The following SGCZ variants were observed in gnomAD, a reference collection of about 807,000 sequenced individuals.
SGCZ encodes sarcoglycan zeta, also known as zeta-sarcoglycan.
SGCZ carries 40 observed loss-of-function variants against 41.3 expected under a neutral mutation model. That is an observed-to-expected ratio of 0.97 (90% CI 0.75 to 1.26). SGCZ has a LOEUF of 1.26. Among genes scored for constraint, SGCZ ranks in the 50% most tolerant of loss-of-function variants. The pLI is 0.00. For synonymous variants in SGCZ, 206 were observed against 137.5 expected (o/e 1.50, Z -3.49); for missense variants, 552 against 369.8 (o/e 1.49, Z -4.04).
At chr8:14,686,073 A>C (rs920616) in intron 1 of SGCZ, among the ~76,000 whole-genome samples, 62,695 of 151,974 alleles carry the variant, frequency 0.41, 14,530 homozygotes, top group Non-Finnish European at 0.54. Flanking sequence ...CGTCTCGGGA[A>C]GACTTTGCTC....
At chr8:14,882,794 C>A (rs115354498) in intron 1 of SGCZ, among the ~76,000 whole-genome samples, 1,664 of 152,084 alleles carry the variant, frequency 0.011, 28 homozygotes, top group African/African-American at 0.038. Context: ...AGCTTTTTCC[C>A]TTTTCGCACC....
chr8:14,097,987 A>C (rs1801896277), intron 7 of SGCZ, among the ~76,000 whole-genome samples: 1 of 152,124 alleles, frequency 6.6e-6, no homozygotes, highest in African/African-American at 2.4e-5. Flanking sequence ...TTAAAGTGGT[A>C]TTTTATAGCC....
chr8:14,901,467 A>G, intron 1 of SGCZ, among the ~76,000 whole-genome samples: 1 of 152,202 alleles, frequency 6.6e-6, no homozygotes, highest in East Asian at 1.9e-4. Flanking sequence ...TTCCTTTCAC[A>G]GTACAGCACT....
intron 1 of SGCZ, among the ~76,000 whole-genome samples, chr8:15,134,623 T>C (rs1006458682): frequency 1.4e-4 from 22 of 152,292 alleles, no homozygotes; most frequent in African/African-American, 4.8e-4. Flanking sequence ...CCTTGCATAA[T>C]TGTGCAAGAT....
intron 2 of SGCZ, among the ~76,000 whole-genome samples, chr8:14,363,177 A>G (rs1803587753): frequency 6.6e-6 from 1 of 152,156 alleles, no homozygotes; most frequent in Non-Finnish European, 1.5e-5. Flanking sequence ...GAAAAAAGCA[A>G]TGTGACTTTT....
At chr8:14,163,005 G>A (rs1249742013) in intron 5 of SGCZ, among the ~76,000 whole-genome samples, 1 of 152,038 alleles carries the variant, frequency 6.6e-6, no homozygotes, top group Non-Finnish European at 1.5e-5. Flanking sequence ...TGAGTAGCTG[G>A]GACTATGGAC....
intron 2 of SGCZ, among the ~76,000 whole-genome samples, chr8:14,354,273 C>G (rs1449883719): frequency 6.6e-6 from 1 of 151,770 alleles, no homozygotes; most frequent in Non-Finnish European, 1.5e-5. Flanking sequence ...TTAGTCAGTA[C>G]TGATTTTTAC....
At chr8:14,782,683 GA>G (rs869097326) in intron 1 of SGCZ, among the ~76,000 whole-genome samples, 4 of 151,842 alleles carry the variant, frequency 2.6e-5, no homozygotes, top group Non-Finnish European at 4.4e-5. Flanking sequence ...GATGGTTATA[GA>G]AAAAAAATTA....
At chr8:14,794,843 C>A (rs777327802) in intron 1 of SGCZ, among the ~76,000 whole-genome samples, 4 of 152,258 alleles carry the variant, frequency 2.6e-5, no homozygotes, top group Admixed American at 2.0e-4. Context: ...GATTTCTGAA[C>A]AGGAACACTA....
intron 1 of SGCZ, among the ~76,000 whole-genome samples, chr8:15,024,646 T>C (rs1010457692): frequency 7.2e-5 from 11 of 151,960 alleles, no homozygotes; most frequent in African/African-American, 2.2e-4. Context: ...GTAATAATAA[T>C]ACAGTGGTCA....
At chr8:14,201,851 T>C (rs1233120045) in intron 4 of SGCZ, among the ~76,000 whole-genome samples, 1 of 146,356 alleles carries the variant, frequency 6.8e-6, no homozygotes, top group Non-Finnish European at 1.6e-5. Context: ...ACTAGTGAGA[T>C]CTTTAAAAAA....
chr8:14,786,585 G>A (rs951056231), intron 1 of SGCZ, among the ~76,000 whole-genome samples: 1 of 152,048 alleles, frequency 6.6e-6, no homozygotes, highest in Non-Finnish European at 1.5e-5. Context: ...AAACAGCTAA[G>A]CTATCTTAAG....
intron 2 of SGCZ, among the ~76,000 whole-genome samples, chr8:14,486,776 C>G (rs753613965): frequency 2.6e-5 from 4 of 152,214 alleles, no homozygotes; most frequent in African/African-American, 9.6e-5. Flanking sequence ...CAACCTCAGC[C>G]TCCCAAAATG....
chr8:14,349,570 T>C (rs182227994), intron 2 of SGCZ, among the ~76,000 whole-genome samples: 3 of 152,164 alleles, frequency 2.0e-5, no homozygotes, highest in Admixed American at 6.5e-5. Context: ...ATCTCCAACA[T>C]TGGGGGTAAA....
intron 2 of SGCZ, among the ~76,000 whole-genome samples, chr8:14,421,499 T>C (rs1799635768): frequency 6.6e-6 from 1 of 152,172 alleles, no homozygotes; most frequent in South Asian, 2.1e-4. Context: ...GTATTCTTAT[T>C]TCAGTGTCCA....
intron 1 of SGCZ, among the ~76,000 whole-genome samples, chr8:14,934,591 G>T (rs536902204): frequency 7.9e-5 from 12 of 151,790 alleles, no homozygotes; most frequent in African/African-American, 2.2e-4. Flanking sequence ...TATGAAATAA[G>T]GCTTAAGACA....
At chr8:14,606,654 A>G (rs535856680) in intron 1 of SGCZ, among the ~76,000 whole-genome samples, 1 of 152,266 alleles carries the variant, frequency 6.6e-6, no homozygotes, top group Non-Finnish European at 1.5e-5. Flanking sequence ...GTTTTCCCTT[A>G]CTAGACTAAC....
chr8:14,511,934 A>G (rs1802479246), intron 2 of SGCZ, among the ~76,000 whole-genome samples: 1 of 152,264 alleles, frequency 6.6e-6, no homozygotes, highest in African/African-American at 2.4e-5. Flanking sequence ...TGAAAGGTTT[A>G]TAGATTTTAT....
intron 2 of SGCZ, among the ~76,000 whole-genome samples, chr8:14,388,837 AAG>A (rs1702470624): frequency 1.6e-5 from 2 of 128,768 alleles, no homozygotes; most frequent in Admixed American, 7.4e-5. Flanking sequence ...ATTAATAAAA[AAG>A]AAAAAAAAAA....
Sources: allele counts gnomAD v4.1 joint callset (sites outside exome capture counted in the v4.1 genomes callset), GRCh38; gene constraint gnomAD v4.1.1; transcripts MANE v1.5; gene names NCBI Gene and HGNC (gene_info 2026-07-23, HGNC 2026-07-21).